Variants in TRAK2 observed in about 807,000 individuals in gnomAD.
The protein encoded by TRAK2 is trafficking kinesin protein 2, also known as trafficking kinesin-binding protein 2.
In TRAK2, 81 loss-of-function variants were observed where a neutral mutation model predicts 104.6. The observed-to-expected ratio is 0.77, with a 90% CI of 0.65 to 0.93. TRAK2 has a LOEUF of 0.93. Ranked by LOEUF, TRAK2 falls within the 40% of genes least tolerant of loss-of-function variation. The pLI is 0.00. For missense variants in TRAK2, 1,002 were observed against 1,089.0 expected, an observed-to-expected ratio of 0.92 and a Z score of 1.12; for synonymous variants, 406 against 394.4, an observed-to-expected ratio of 1.03 and a Z score of -0.35.
intron 2 of TRAK2, chr2:201,412,224 C>T (rs1385527399): frequency 1.1e-6 from 1 of 951,950 alleles, no homozygotes; most frequent in Admixed American, 1.7e-5. Flanking sequence ...CAATGACATG[C>T]TTGGGCAGTA....
intron 2 of TRAK2, among the ~76,000 whole-genome samples, chr2:201,409,626 G>A (rs949538138): frequency 5.9e-5 from 9 of 152,338 alleles, no homozygotes; most frequent in African/African-American, 2.2e-4. Flanking sequence ...CCAACGAAAT[G>A]TAGGTCAAGT....
intron 1 of TRAK2, among the ~76,000 whole-genome samples, chr2:201,439,177 A>C (rs1468675999): frequency 6.6e-6 from 1 of 152,226 alleles, no homozygotes; most frequent in East Asian, 1.9e-4. Flanking sequence ...AATGAACTGC[A>C]TAGGAATATG....
intron 1 of TRAK2, among the ~76,000 whole-genome samples, chr2:201,426,926 CAA>C (rs1951793746): frequency 6.6e-6 from 1 of 152,144 alleles, no homozygotes; most frequent in Non-Finnish European, 1.5e-5. Context: ...TGACATTAGA[CAA>C]GTCTGAATTT....
rs759710362 is a variant in TRAK2 at position 201,380,616 on chromosome 2, G to A, written c.2672C>T (p.Pro891Leu). ...GGCAGCAAAGCTACCCATTATGACTGGAAGACTCTGATTCCTCCTTAGTCC... is the reference window on the plus strand; with the variant it reads ...GGCAGCAAAGCTACCCATTATGACTAGAAGACTCTGATTCCTCCTTAGTCC... ...LGGLRRNQSL[P>L]VIMGSFAAPV... The change falls in exon 16 of 16, where the codon CCA becomes CTA. Residue 891 changes from proline to leucine, a missense_variant. Coordinates refer to ENST00000332624, the MANE Select transcript of TRAK2 (RefSeq NM_015049.3). 3 of 1,613,860 alleles carry A rather than the reference G, an allele frequency of 1.9e-6. No homozygotes were observed. The highest frequency in any genetic ancestry group is 1.1e-5 in the South Asian group (1 of 91,086).
At chr2:201,400,140 G>A (rs1951537521) in intron 4 of TRAK2, among the ~76,000 whole-genome samples, 1 of 96,088 alleles carries the variant, frequency 1.0e-5, no homozygotes, top group African/African-American at 2.9e-5. Flanking sequence ...AGAAGCTGGT[G>A]GTAATGCAGG....
intron 3 of TRAK2, among the ~76,000 whole-genome samples, chr2:201,401,324 C>T (rs1027345503): frequency 2.6e-5 from 4 of 152,030 alleles, no homozygotes; most frequent in African/African-American, 9.7e-5. Flanking sequence ...AAGAAAGTAT[C>T]AAATGATCAA....
intron 3 of TRAK2, among the ~76,000 whole-genome samples, chr2:201,406,472 T>A (rs1168032731): frequency 6.6e-6 from 1 of 152,192 alleles, no homozygotes; most frequent in Non-Finnish European, 1.5e-5. Flanking sequence ...AAGAAACGAC[T>A]AGAAAAAAAT....
intron 2 of TRAK2, among the ~76,000 whole-genome samples, chr2:201,408,576 A>C (rs914116560): frequency 6.6e-6 from 1 of 152,154 alleles, no homozygotes; most frequent in African/African-American, 2.4e-5. Context: ...TCTCCCTATC[A>C]ATCTATTTAG....
At chr2:201,399,529 T>C in intron 4 of TRAK2, 36 bp from the exon 5 acceptor site, 1 of 1,518,324 alleles carries the variant, frequency 6.6e-7, no homozygotes, top group Non-Finnish European at 9.1e-7. Flanking sequence ...TCTTTGAGTA[T>C]AAACAAGGTT....
chr2:201,389,721 A>G, intron 11 of TRAK2, 80 bp downstream of exon 11: 1 of 1,329,988 alleles, frequency 7.5e-7, no homozygotes, highest in East Asian at 2.3e-5. Context: ...GAATCTCGTA[A>G]TACTTGCCAC....
intron 14 of TRAK2, among the ~76,000 whole-genome samples, 192 bp from the exon 15 acceptor site, chr2:201,384,408 A>G (rs1249322375): frequency 6.6e-6 from 1 of 152,202 alleles, no homozygotes; most frequent in African/African-American, 2.4e-5. Context: ...AGGTGAATCC[A>G]ATACTTTAAA....
At position 201,380,590 on chromosome 2, in the gene TRAK2, G is replaced by A; in HGVS notation, c.2698C>T (p.Pro900Ser). The part of the protein sequence containing the change: ...LPVIMGSFAA[P>S]VCTSSPKMGV... ...ATTTTGGGTGAGGATGTGCAAACTG[G>A]GGCAGCAAAGCTACCCATTATGACT... The change falls in exon 16 of 16, where the codon CCA (proline) becomes TCA (serine). Residue 900 changes from proline to serine, a missense_variant. Transcript: ENST00000332624. 6.2e-7 allele frequency: 1 copy of A among 1,613,798 alleles called. No individual in the cohort carries two copies. Among genetic ancestry groups the A allele is most frequent in the Non-Finnish European group, 8.5e-7 (1 of 1,179,906 alleles).
chr2:201,390,135 A>G (rs1951432198), intron 10 of TRAK2, among the ~76,000 whole-genome samples: 1 of 152,236 alleles, frequency 6.6e-6, no homozygotes, highest in Admixed American at 6.5e-5. Context: ...CACAAAAACA[A>G]AAGGTCTGAA....
intron 1 of TRAK2, chr2:201,423,501 T>C (rs1218011612): frequency 1.3e-5 from 2 of 152,158 alleles, no homozygotes; most frequent in African/African-American, 4.8e-5. Flanking sequence ...TGATGAAAAT[T>C]TCATCAATTA....
chr2:201,410,680 T>C, intron 2 of TRAK2: 1 of 1,310,786 alleles, frequency 7.6e-7, no homozygotes, highest in Non-Finnish European at 1.1e-6. Flanking sequence ...CATGTTCATC[T>C]GTGTTCCCAT....
At position 201,430,188 on chromosome 2, in the gene TRAK2, A is replaced by G. The variant is rs553457748; in HGVS notation, c.-199-9482T>C. Among the ~76,000 whole-genome samples, 82 of 152,326 alleles carry G rather than the reference A, an allele frequency of 5.4e-4. 1 individual carries two copies. Among genetic ancestry groups the G allele is most frequent in the African/African-American group, 1.9e-3 (81 of 41,568 alleles). On this transcript the variant is annotated intron_variant, in intron 1 of 15. Coordinates refer to ENST00000332624, the MANE Select transcript of TRAK2 (RefSeq NM_015049.3). ...TGTTGCTGCCTGATCCTTCCTCTGG[A>G]AGCTTTGTCTCAGAGGGGTACCCGG... is the stretch of plus-strand genomic sequence containing the variant.
chr2:201,384,080 G>T, intron 15 of TRAK2, 31 bp downstream of exon 15: 1 of 1,399,054 alleles, frequency 7.1e-7, no homozygotes, highest in Non-Finnish European at 1.0e-6. Flanking sequence ...GAGGAAAGAA[G>T]TGAGGCCCCA....
chr2:201,410,711 G>A (rs1468061477), intron 2 of TRAK2: 115 of 1,421,660 alleles, frequency 8.1e-5, no homozygotes, highest in East Asian at 1.1e-4. Context: ...CCCGTAGCTG[G>A]AGAAACTTGA....
chr2:201,399,281 T>C, intron 5 of TRAK2, 96 bp downstream of exon 5: 6 of 737,836 alleles, frequency 8.1e-6, no homozygotes, highest in Non-Finnish European at 1.4e-5. Flanking sequence ...GTGTTATTTA[T>C]CTATTGCCAT....
Sources: gnomAD v4.1 joint callset for allele counts (sites outside exome capture counted in the v4.1 genomes callset) on GRCh38, gnomAD v4.1.1 for gene constraint, MANE v1.5 for transcripts, NCBI Gene and HGNC (gene_info 2026-07-23, HGNC 2026-07-21) for gene names.